The following SCCPDH variants were observed in gnomAD, a reference collection of about 807,000 sequenced individuals.
SCCPDH encodes the protein saccharopine dehydrogenase-like oxidoreductase.
A neutral mutation model predicts 51.5 loss-of-function variants in SCCPDH; 34 were observed. That is an observed-to-expected ratio of 0.66 (90% CI 0.50 to 0.88). The LOEUF (loss-of-function observed/expected upper bound fraction) is 0.88, where lower values mean the gene tolerates loss of function less well. SCCPDH is among the 40% of genes least tolerant of loss of function. SCCPDH has a pLI of 0.00. For synonymous variants in SCCPDH, 187 were observed against 191.3 expected (o/e 0.98, Z 0.19); for missense variants, 464 against 527.1 (o/e 0.88, Z 1.17).
At chr1:246,735,609 G>A (rs1668554114) in intron 2 of SCCPDH, among the ~76,000 whole-genome samples, 1 of 152,234 alleles carries the variant, frequency 6.6e-6, no homozygotes, top group African/African-American at 2.4e-5. Flanking sequence ...TTGGCTCACT[G>A]TAATCTCCAC....
intron 5 of SCCPDH, among the ~76,000 whole-genome samples, chr1:246,747,315 G>C (rs992299218): frequency 2.0e-5 from 3 of 152,130 alleles, no homozygotes; most frequent in Non-Finnish European, 2.9e-5. Context: ...TAGTCATTTT[G>C]CTCATTCTTA....
intron 2 of SCCPDH, among the ~76,000 whole-genome samples, chr1:246,735,286 A>C (rs2102981794): frequency 6.6e-6 from 1 of 152,306 alleles, no homozygotes; most frequent in Admixed American, 6.5e-5. Flanking sequence ...AGTGAATTTG[A>C]TTCCTGCTTC....
At chr1:246,737,208 T>A (rs777316418) in intron 3 of SCCPDH, among the ~76,000 whole-genome samples, 3 of 146,626 alleles carry the variant, frequency 2.0e-5, no homozygotes, top group African/African-American at 7.5e-5. Flanking sequence ...ATTACAAAAA[T>A]TGATTCAAAA....
At position 246,726,980 on chromosome 1, in the gene SCCPDH, A is replaced by G. The variant is rs1668409264; in HGVS notation, c.279A>G (p.Thr93=). The G allele has an allele frequency of 6.2e-7, 1 of 1,613,336 alleles. No homozygotes were observed. The highest frequency in any genetic ancestry group is 8.5e-7 in the Non-Finnish European group (1 of 1,179,324). The change falls in exon 2 of 12, where the codon ACA becomes ACG. Residue 93 remains threonine, a synonymous_variant. Coordinates refer to ENST00000366510, the MANE Select transcript of SCCPDH (RefSeq NM_016002.3). ...ASLDEMAKQA[T]VVLNCVGPYR... ...TTGATGAAATGGCTAAACAGGCAAC[A>G]GTTGTCCTCAATTGCGTAGGACCAG...
intron 9 of SCCPDH, among the ~76,000 whole-genome samples, chr1:246,763,023 C>G (rs1023401947): frequency 3.3e-5 from 5 of 152,038 alleles, no homozygotes; most frequent in African/African-American, 9.7e-5. Context: ...TTCGGTTGGT[C>G]TGGAATGCAG....
chr1:246,732,589 A>T (rs1668507610), intron 2 of SCCPDH, among the ~76,000 whole-genome samples: 1 of 152,076 alleles, frequency 6.6e-6, no homozygotes, highest in Admixed American at 6.6e-5. Context: ...GGTTTTACCA[A>T]ATTGGTCAGG....
At chr1:246,755,718 C>A (rs1188087319) in intron 5 of SCCPDH, 2 of 152,624 alleles carry the variant, frequency 1.3e-5, no homozygotes, top group African/African-American at 2.4e-5. Flanking sequence ...CAAATCAAAT[C>A]TCATTTTATG....
intron 2 of SCCPDH, among the ~76,000 whole-genome samples, chr1:246,734,485 A>G (rs1383007117): frequency 6.6e-6 from 1 of 152,210 alleles, no homozygotes; most frequent in African/African-American, 2.4e-5. Context: ...CCATGATACC[A>G]TACTGCCTCA....
At chr1:246,741,193 G>A (rs779249832) in intron 4 of SCCPDH, among the ~76,000 whole-genome samples, 2 of 152,102 alleles carry the variant, frequency 1.3e-5, no homozygotes, top group South Asian at 2.1e-4. Context: ...AAATGTTCCA[G>A]CATATATTAA....
At chr1:246,738,787 A>T (rs1668636429) in intron 3 of SCCPDH, among the ~76,000 whole-genome samples, 1 of 152,082 alleles carries the variant, frequency 6.6e-6, no homozygotes, top group African/African-American at 2.4e-5. Context: ...CGCGAGGTGG[A>T]GGTTGCAGTG....
chr1:246,751,125 A>G (rs1366880257), intron 5 of SCCPDH, among the ~76,000 whole-genome samples: 2 of 152,224 alleles, frequency 1.3e-5, no homozygotes, highest in Admixed American at 1.3e-4. Context: ...AATTTTTTAG[A>G]CCAAAGAAAC....
At chr1:246,736,804 C>T (rs1462619858) in intron 3 of SCCPDH, among the ~76,000 whole-genome samples, 1 of 152,086 alleles carries the variant, frequency 6.6e-6, no homozygotes, top group Non-Finnish European at 1.5e-5. Flanking sequence ...TAAATGTTCA[C>T]ATTTATTGAA....
intron 2 of SCCPDH, among the ~76,000 whole-genome samples, 177 bp from the exon 3 acceptor site, chr1:246,735,798 C>G (rs1668558266): frequency 6.6e-6 from 1 of 152,192 alleles, no homozygotes. Context: ...TCCCAAAGTT[C>G]TGGGATTACA....
chr1:246,725,754 C>T (rs1225046478), intron 1 of SCCPDH, among the ~76,000 whole-genome samples: 1 of 152,100 alleles, frequency 6.6e-6, no homozygotes, highest in Admixed American at 6.5e-5. Context: ...TTTTTCGGCT[C>T]AGCAAGATCG....
In SCCPDH at chr1:246,764,256, C is replaced by A; in HGVS notation, c.1001C>A (p.Ala334Asp). 1 of 1,611,586 alleles carries A rather than the reference C, an allele frequency of 6.2e-7. No homozygotes were observed. Among genetic ancestry groups the A allele is most frequent in the Non-Finnish European group, 8.5e-7 (1 of 1,177,980 alleles). ...QGPTQKQIDA[A>D]SFTLTFFGQG... The stretch of plus-strand genomic sequence containing the variant: ...CCTTCTCCTTCACAGATTGATGCTG[C>A]CTCATTCACGCTGACATTCTTTGGT... The change falls in exon 10 of 12, where the codon GCC becomes GAC. Residue 334 changes from alanine to aspartate, a missense_variant. Coordinates refer to ENST00000366510, the MANE Select transcript of SCCPDH (RefSeq NM_016002.3).
At chr1:246,744,316 T>G (rs1476127863) in intron 5 of SCCPDH, among the ~76,000 whole-genome samples, 191 bp downstream of exon 5, 1 of 151,804 alleles carries the variant, frequency 6.6e-6, no homozygotes, top group Admixed American at 6.6e-5. Flanking sequence ...TTATTTTATT[T>G]TATTTATTTA....
chr1:246,766,214 C>T, intron 11 of SCCPDH, 75 bp downstream of exon 11: 3 of 1,112,394 alleles, frequency 2.7e-6, no homozygotes, highest in Non-Finnish European at 4.0e-6. Flanking sequence ...ATTTGATTTT[C>T]AGGCTTTGGG....
intron 5 of SCCPDH, among the ~76,000 whole-genome samples, chr1:246,751,955 A>AT (rs1418346994): frequency 1.4e-5 from 2 of 139,350 alleles, no homozygotes; most frequent in South Asian, 2.3e-4. Context: ...TTTTTTTTGT[A>AT]TTTTTTTAGT....
At chr1:246,746,886 G>T (rs371039223) in intron 5 of SCCPDH, among the ~76,000 whole-genome samples, 5 of 152,266 alleles carry the variant, frequency 3.3e-5, no homozygotes, top group African/African-American at 9.6e-5. Flanking sequence ...TTGGGAATGC[G>T]CCATAGAGGC....
Sources: gnomAD v4.1 joint callset for allele counts (sites outside exome capture counted in the v4.1 genomes callset) on GRCh38, gnomAD v4.1.1 for gene constraint, MANE v1.5 for transcripts, NCBI Gene and HGNC (gene_info 2026-07-23, HGNC 2026-07-21) for gene names.